GREB1L: variants seen among roughly 807,000 people sequenced by gnomAD.
GREB1L encodes GREB1 like retinoic acid receptor coactivator, also known as GREB1-like protein.
A neutral mutation model predicts 200.8 loss-of-function variants in GREB1L; 17 were observed. That is an observed-to-expected ratio of 0.08 (90% CI 0.06 to 0.13). GREB1L has a LOEUF of 0.13. GREB1L is among the 10% of genes least tolerant of loss of function. The pLI is 1.00. For missense variants in GREB1L, 1,657 were observed against 2,367.7 expected (o/e 0.70, Z 6.23); for synonymous variants, 789 against 893.0 (o/e 0.88, Z 2.08).
intron 15 of GREB1L, among the ~76,000 whole-genome samples, chr18:21,455,452 C>T (rs1173066295): frequency 1.3e-5 from 2 of 151,964 alleles, no homozygotes; most frequent in East Asian, 3.9e-4. Flanking sequence ...GAGGCCAAGG[C>T]GGGTGGATCA....
intron 28 of GREB1L, 121 bp from the exon 29 acceptor site, chr18:21,515,296 A>G: frequency 1.4e-6 from 1 of 705,602 alleles, no homozygotes; most frequent in Non-Finnish European, 2.3e-6. Flanking sequence ...GCTAATACGA[A>G]GTAAATCAGT....
At chr18:21,259,708 A>G (rs186266028) in intron 1 of GREB1L, among the ~76,000 whole-genome samples, 59 of 152,226 alleles carry the variant, frequency 3.9e-4, no homozygotes, top group African/African-American at 1.4e-3. Flanking sequence ...TTTAAAAACT[A>G]GAAGATGTTT....
intron 1 of GREB1L, among the ~76,000 whole-genome samples, chr18:21,294,293 G>C (rs1219918569): frequency 1.3e-5 from 2 of 152,116 alleles, no homozygotes; most frequent in Non-Finnish European, 1.5e-5. Flanking sequence ...ACAGTCAAAT[G>C]ATAGAAAAAC....
At chr18:21,446,178 C>T (rs1196266517) in intron 11 of GREB1L, among the ~76,000 whole-genome samples, 1 of 152,176 alleles carries the variant, frequency 6.6e-6, no homozygotes, top group East Asian at 1.9e-4. Context: ...GCGTGAACCA[C>T]CACACCCTGC....
At chr18:21,520,961 C>A in intron 32 of GREB1L, 138 bp downstream of exon 32, 1 of 659,690 alleles carries the variant, frequency 1.5e-6, no homozygotes, top group Non-Finnish European at 2.4e-6. Flanking sequence ...CTTTGGGAGG[C>A]CGAGGCGGGT....
chr18:21,367,529 A>G (rs2039722588), intron 2 of GREB1L, among the ~76,000 whole-genome samples: 1 of 152,190 alleles, frequency 6.6e-6, no homozygotes. Flanking sequence ...AAATCATTCT[A>G]CAAGCTTTTG....
At chr18:21,443,681 G>T (rs549258935) in intron 10 of GREB1L, among the ~76,000 whole-genome samples, 9 of 152,170 alleles carry the variant, frequency 5.9e-5, no homozygotes, top group African/African-American at 2.2e-4. Context: ...GAGATAATAT[G>T]AGTACAGTTG....
intron 1 of GREB1L, among the ~76,000 whole-genome samples, chr18:21,251,489 T>G (rs996981593): frequency 9.9e-5 from 15 of 152,188 alleles, no homozygotes. Flanking sequence ...ATTACTTCAT[T>G]GAAGGGCATT....
chr18:21,441,333 C>T (rs527461350), intron 9 of GREB1L, 67 bp from the exon 10 acceptor site: 37 of 1,296,014 alleles, frequency 2.9e-5, no homozygotes, highest in Non-Finnish European at 3.6e-5. Flanking sequence ...ATTAAAACTG[C>T]ATTGCTTTCT....
chr18:21,351,626 G>A lies in GREB1L; in HGVS notation c.-119-14401G>A, dbSNP rs560075192. On this transcript the variant is annotated intron_variant, in intron 1 of 32. Coordinates refer to ENST00000424526, the MANE Select transcript of GREB1L (RefSeq NM_001142966.3). ...TATGGGCTTGTTATTGTTGGGGATGGCAATAAAATCAAATGGAAAGGAATA... is the reference window on the plus strand; with the variant it reads ...TATGGGCTTGTTATTGTTGGGGATGACAATAAAATCAAATGGAAAGGAATA... Among the ~76,000 whole-genome samples the A allele has an allele frequency of 2.4e-3, 368 of 151,856 alleles. 4 individuals carry two copies. The highest frequency in any genetic ancestry group is 8.3e-3 in the African/African-American group (344 of 41,428).
chr18:21,398,056 A>G (rs2041159701), intron 5 of GREB1L, among the ~76,000 whole-genome samples: 1 of 152,184 alleles, frequency 6.6e-6, no homozygotes, highest in South Asian at 2.1e-4. Flanking sequence ...AATCTCTCAT[A>G]ATGCATTTTT....
chr18:21,384,073 G>A, intron 3 of GREB1L, 133 bp from the exon 4 acceptor site: 1 of 689,514 alleles, frequency 1.5e-6, no homozygotes. Flanking sequence ...TCCAAATCTT[G>A]GGACCTCTGA....
intron 6 of GREB1L, 104 bp from the exon 7 acceptor site, chr18:21,403,768 A>C: frequency 2.1e-6 from 2 of 936,104 alleles, no homozygotes; most frequent in Non-Finnish European, 3.2e-6. Context: ...GCTGCCGCTT[A>C]AGGAGCAGCG....
intron 29 of GREB1L, 125 bp from the exon 30 acceptor site, chr18:21,516,487 CT>C: frequency 1.1e-6 from 1 of 914,648 alleles, no homozygotes; most frequent in Non-Finnish European, 1.6e-6. Context: ...CGAGGGCCAG[CT>C]CCACAAAAGC....
intron 1 of GREB1L, among the ~76,000 whole-genome samples, chr18:21,251,050 T>C (rs2037694354): frequency 6.6e-6 from 1 of 152,188 alleles, no homozygotes; most frequent in African/African-American, 2.4e-5. Context: ...GCACAGTGGC[T>C]CATGTCTGTA....
chr18:21,399,452 G>GA (rs1316953738), intron 5 of GREB1L, among the ~76,000 whole-genome samples: 34 of 134,120 alleles, frequency 2.5e-4, no homozygotes, highest in African/African-American at 7.5e-4. Context: ...TGGATGGATG[G>GA]TTGGATGGAT....
chr18:21,425,243 C>T (rs1170025506), intron 7 of GREB1L, among the ~76,000 whole-genome samples: 1 of 151,932 alleles, frequency 6.6e-6, no homozygotes, highest in Non-Finnish European at 1.5e-5. Context: ...TCCTTTGAAG[C>T]ATAAACCTAT....
At chr18:21,464,797 A>G (rs1382074958) in intron 15 of GREB1L, among the ~76,000 whole-genome samples, 1 of 152,200 alleles carries the variant, frequency 6.6e-6, no homozygotes, top group Admixed American at 6.5e-5. Flanking sequence ...TCTGATCACA[A>G]GGAAGCTTCC....
intron 1 of GREB1L, among the ~76,000 whole-genome samples, chr18:21,263,742 G>A (rs1255100144): frequency 6.6e-6 from 1 of 152,118 alleles, no homozygotes. Context: ...TTAATAAATG[G>A]TTATTGACTA....
Sources: gnomAD v4.1 joint callset for allele counts (sites outside exome capture counted in the v4.1 genomes callset) on GRCh38, gnomAD v4.1.1 for gene constraint, MANE v1.5 for transcripts, NCBI Gene and HGNC (gene_info 2026-07-23, HGNC 2026-07-21) for gene names.